Variants in SLC34A3 observed in about 807,000 individuals in gnomAD.
The protein encoded by SLC34A3 is sodium-dependent phosphate transport protein 2C.
SLC34A3 carries 60 observed loss-of-function variants against 43.9 expected under a neutral mutation model. That is an observed-to-expected ratio of 1.37 (90% CI 1.11 to 1.70). The LOEUF (loss-of-function observed/expected upper bound fraction) is 1.70. SLC34A3 is among the 40% of genes most tolerant of loss of function. SLC34A3 has a pLI of 0.00. For missense variants in SLC34A3, 969 were observed against 823.8 expected (o/e 1.18, Z -2.16); for synonymous variants, 451 against 386.2 (o/e 1.17, Z -1.97).
Position 137,236,182 on chromosome 9 carries a change from G to A in SLC34A3, c.1566G>A (p.Val522=), listed in dbSNP as rs182451910. 5 of 1,604,764 alleles carry A rather than the reference G, an allele frequency of 3.1e-6. No individual in the cohort carries two copies. The highest frequency in any genetic ancestry group is 2.2e-5 in the East Asian group (1 of 44,550). The stretch of plus-strand genomic sequence containing the variant: ...TGGCCGCTGTCGGGGGTCCCCTGGT[G>A]GGGCTGGTGCTCCTCGTCATCCTGG... ...MELAAVGGPL[V]GLVLLVILVT... is the part of the protein sequence containing the mutation. The change falls in exon 13 of 13, where the codon GTG becomes GTA. Residue 522 remains valine, a synonymous_variant. Transcript: ENST00000673835.
intron 3 of SLC34A3, 49 bp from the exon 4 acceptor site, chr9:137,232,526 C>A (rs758653523): frequency 8.1e-6 from 13 of 1,607,686 alleles, no homozygotes; most frequent in African/African-American, 1.3e-5. Flanking sequence ...GGGAGGGAGA[C>A]CTGTCAGGGT....
chr9:137,233,779 T>TTGGCCCCCCCCCCCCCCCCCACCC, intron 8 of SLC34A3, 57 bp downstream of exon 8: 1 of 1,445,826 alleles, frequency 6.9e-7, no homozygotes, highest in Non-Finnish European at 9.6e-7. Flanking sequence ...TGCTGAGTCA[T>TTGGCCCCCCCCCCCCCCCCCACCC]CCCGCCCCAC....
intron 8 of SLC34A3, 57 bp downstream of exon 8, chr9:137,233,779 T>TGGCGCCCCCCCCCC: frequency 6.9e-7 from 1 of 1,445,826 alleles, no homozygotes; most frequent in South Asian, 1.2e-5. Context: ...TGCTGAGTCA[T>TGGCGCCCCCCCCCC]CCCGCCCCAC....
In SLC34A3 at chr9:137,236,129, G is replaced by C; in HGVS notation, c.1513G>C (p.Gly505Arg). 1 of 1,611,082 alleles carries C rather than the reference G, an allele frequency of 6.2e-7. No homozygotes were observed. Among genetic ancestry groups the C allele is most frequent in the Non-Finnish European group, 8.5e-7 (1 of 1,179,476 alleles). Reference protein sequence around the residue: ...GFLLLPLAAFGLSLAGGMELA... With the variant: ...GFLLLPLAAFRLSLAGGMELA... ...CCTGCTGCTGCCCCTGGCGGCCTTC[G>C]GGCTCTCCCTGGCAGGGGGCATGGA... The change falls in exon 13 of 13, where the codon GGG (glycine) becomes CGG (arginine). Residue 505 changes from glycine to arginine, a missense_variant. Gly to Arg is a moderately radical substitution (Grantham distance 125). Transcript: ENST00000673835.
intron 8 of SLC34A3, 48 bp downstream of exon 8, chr9:137,233,770 G>C: frequency 6.3e-7 from 1 of 1,585,494 alleles, no homozygotes; most frequent in Non-Finnish European, 8.6e-7. Context: ...CCTCCCACCT[G>C]CTGAGTCATC....
intron 12 of SLC34A3, among the ~76,000 whole-genome samples, chr9:137,235,094 C>T (rs1564421759): frequency 6.6e-6 from 1 of 152,072 alleles, no homozygotes. Context: ...CACTCACCTC[C>T]AGCAGGTCCC....
At chr9:137,235,325 G>A (rs1453712867) in intron 12 of SLC34A3, among the ~76,000 whole-genome samples, 1 of 152,188 alleles carries the variant, frequency 6.6e-6, no homozygotes, top group Non-Finnish European at 1.5e-5. Context: ...GGCCCAACAG[G>A]TTCAGCTCCC....
At chr9:137,233,459 G>A in intron 7 of SLC34A3, 55 bp downstream of exon 7, 1 of 1,588,780 alleles carries the variant, frequency 6.3e-7, no homozygotes, top group Non-Finnish European at 8.6e-7. Flanking sequence ...GATGGGAGGA[G>A]GGGAGGCCCG....
In SLC34A3 at chr9:137,231,893, C is replaced by T. The variant is rs554631094; in HGVS notation, c.85+106C>T. ...TCCTGCGGGCCTCCCGGGGAACCCACAGGGCTCATGACGCCTCCACTCAGG... is the reference window on the plus strand; with the variant it reads ...TCCTGCGGGCCTCCCGGGGAACCCATAGGGCTCATGACGCCTCCACTCAGG... On this transcript the variant is annotated intron_variant, in intron 2 of 12. Transcript: ENST00000673835. The T allele has an allele frequency of 2.3e-5, 28 of 1,195,434 alleles. No homozygotes were observed. In the East Asian group the frequency reaches 5.8e-4, roughly 25 times the overall value. 74.1% of individuals were successfully genotyped at this position (1,195,434 alleles called of 1,614,324 possible). A position where few individuals can be genotyped will look rare whatever the true frequency, so the allele number is the denominator to read the frequency against.
chr9:137,232,584 T>A lies in SLC34A3; in HGVS notation c.185T>A (p.Val62Glu), dbSNP rs1030903618. Reference protein sequence around the residue: ...DTSQPWKELRVAGRLRRVAGS... With the variant: ...DTSQPWKELREAGRLRRVAGS... Reference sequence around the variant, plus strand: ...TGCCCTGTGTCCTCAGAGCTCCGCGTGGCCGGCAGGCTGCGCCGCGTGGCC... The same window carrying A: ...TGCCCTGTGTCCTCAGAGCTCCGCGAGGCCGGCAGGCTGCGCCGCGTGGCC... The change falls in exon 4 of 13, where the codon GTG (valine) becomes GAG (glutamate). Residue 62 changes from valine to glutamate, a missense_variant. Coordinates refer to ENST00000673835, the MANE Select transcript of SLC34A3 (RefSeq NM_001177316.2). The A allele has an allele frequency of 1.2e-6, 2 of 1,609,054 alleles. No individual in the cohort carries two copies. The highest frequency in any genetic ancestry group is 2.2e-5 in the South Asian group (2 of 90,796).
chr9:137,235,480 G>A (rs1379706496), intron 12 of SLC34A3, among the ~76,000 whole-genome samples: 1 of 152,164 alleles, frequency 6.6e-6, no homozygotes, highest in Non-Finnish European at 1.5e-5. Context: ...CCCCCTGCAG[G>A]AAGCCCTCCA....
rs772903522 is a variant in SLC34A3, at chr9:137,231,720, C to T, written c.18C>T (p.Pro6=). The part of the protein sequence containing the change: MPSSL[P]GSQVPHPTLD... The stretch of plus-strand genomic sequence containing the variant: ...CGAAATCCATGCCGAGTTCCCTTCC[C>T]GGCAGCCAGGTCCCCCACCCCACTC... Residue 6 remains proline, a synonymous_variant, in exon 2 of 13, where the codon CCC becomes CCT. Coordinates refer to ENST00000673835, the MANE Select transcript of SLC34A3 (RefSeq NM_001177316.2). 2.9e-5 allele frequency: 46 copies of T among 1,612,938 alleles called. No homozygotes were observed. The highest frequency in any genetic ancestry group is 3.3e-4 in the Middle Eastern group (2 of 6,084).
chr9:137,231,718 C>A lies in SLC34A3; in HGVS notation c.16C>A (p.Pro6Thr). MPSSL[P>T]GSQVPHPTLD... ...CCCGAAATCCATGCCGAGTTCCCTT[C>A]CCGGCAGCCAGGTCCCCCACCCCAC... The change falls in exon 2 of 13, where the codon CCC becomes ACC. Residue 6 changes from proline to threonine, a missense_variant. Coordinates refer to ENST00000673835, the MANE Select transcript of SLC34A3 (RefSeq NM_001177316.2). 6.2e-7 allele frequency: 1 copy of A among 1,613,100 alleles called. No homozygotes were observed. Among genetic ancestry groups the A allele is most frequent in the Non-Finnish European group, 8.5e-7 (1 of 1,179,960 alleles).
Position 137,233,072 on chromosome 9 carries a change from C to T in SLC34A3, c.517C>T (p.Leu173=). 1.9e-6 allele frequency: 3 copies of T among 1,607,688 alleles called. No homozygotes were observed. The South Asian group carries it at 3.3e-5, about 18-fold the overall frequency. The change falls in exon 6 of 13, where the codon CTG becomes TTG. Residue 173 remains leucine (L), a synonymous_variant. Coordinates refer to ENST00000673835, the MANE Select transcript of SLC34A3 (RefSeq NM_001177316.2). The stretch of plus-strand genomic sequence containing the variant: ...CGTAGGCACATCCATCACCAGCACC[C>T]TGGTCTCAATGGCGCAGTCAGGGGA... ...VNVGTSITST[L]VSMAQSGDRD...
intron 3 of SLC34A3, 100 bp from the exon 4 acceptor site, chr9:137,232,475 G>C (rs544450584): frequency 3.0e-5 from 46 of 1,526,854 alleles, no homozygotes; most frequent in Non-Finnish European, 3.7e-5. Context: ...ACCCAGCCCT[G>C]TTGGAGACAG....
chr9:137,231,765 G>C lies in SLC34A3; in HGVS notation c.63G>C (p.Val21=). The C allele has an allele frequency of 6.2e-7, 1 of 1,613,228 alleles. No individual in the cohort carries two copies. Among genetic ancestry groups the C allele is most frequent in the Non-Finnish European group, 8.5e-7 (1 of 1,179,972 alleles). ...CCACTCTGGACGCGGTTGACCTAGTGGAAAAGACTCTGAGGAATGAAGGTA... is the reference window on the plus strand; with the variant it reads ...CCACTCTGGACGCGGTTGACCTAGTCGAAAAGACTCTGAGGAATGAAGGTA... ...PHPTLDAVDL[V]EKTLRNEGTS... Residue 21 remains valine (V), a synonymous_variant, in exon 2 of 13, where the codon GTG becomes GTC. Coordinates refer to ENST00000673835, the MANE Select transcript of SLC34A3 (RefSeq NM_001177316.2).
Position 137,232,801 on chromosome 9 carries a change from A to G in SLC34A3, c.322A>G (p.Ile108Val), listed in dbSNP as rs1390166758. 2.5e-6 allele frequency: 4 copies of G among 1,612,988 alleles called. No individual in the cohort carries two copies. Among genetic ancestry groups the G allele is most frequent in the Non-Finnish European group, 3.4e-6 (4 of 1,180,018 alleles). ...CGGTGTAGGCAAAGTGGCCGGAGACATCTTCAAGGACAACGTGGTGCTGTC... is the reference window on the plus strand; with the variant it reads ...CGGTGTAGGCAAAGTGGCCGGAGACGTCTTCAAGGACAACGTGGTGCTGTC... ...QLLGSKVAGD[I>V]FKDNVVLSNP... is the part of the protein sequence containing the mutation. Residue 108 changes from isoleucine (I) to valine (V), a missense_variant, in exon 5 of 13, where the codon ATC (isoleucine) becomes GTC (valine). Physicochemically the swap from Ile to Val is conservative, Grantham distance 29. Transcript: ENST00000673835.
In SLC34A3 at chr9:137,236,282, C is replaced by T. The variant is rs1836591916; in HGVS notation, c.1666C>T (p.Leu556Phe). ...LRSWAWLPVW[L>F]HSLEPWDRLV... ...CTCCTGGGCCTGGCTCCCCGTCTGGCTCCATTCTCTGGAGCCCTGGGACCG... is the reference window on the plus strand; with the variant it reads ...CTCCTGGGCCTGGCTCCCCGTCTGGTTCCATTCTCTGGAGCCCTGGGACCG... Residue 556 changes from leucine to phenylalanine, a missense_variant, in exon 13 of 13, where the codon CTC (leucine) becomes TTC (phenylalanine). Physicochemically the swap from Leu to Phe is conservative, Grantham distance 22. Coordinates refer to ENST00000673835, the MANE Select transcript of SLC34A3 (RefSeq NM_001177316.2). The T allele has an allele frequency of 6.5e-7, 1 of 1,542,790 alleles. No individual in the cohort carries two copies. Among genetic ancestry groups the T allele is most frequent in the Admixed American group, 2.0e-5 (1 of 50,996 alleles).
rs142206230 is a variant in SLC34A3, at chr9:137,236,222, C to T, written c.1606C>T (p.Arg536Trp). 9.8e-5 allele frequency: 153 copies of T among 1,563,686 alleles called. No homozygotes were observed. The highest frequency in any genetic ancestry group is 1.7e-4 in the Middle Eastern group (1 of 6,016). The change falls in exon 13 of 13, where the codon CGG becomes TGG. Residue 536 changes from arginine to tryptophan, a missense_variant. Physicochemically the swap from Arg to Trp is moderately radical, Grantham distance 101. Coordinates refer to ENST00000673835, the MANE Select transcript of SLC34A3 (RefSeq NM_001177316.2). ...CGTCATCCTGGTTACTGTCCTGCAG[C>T]GGCGCCGGCCGGCCTGGCTGCCTGT... ...LLVILVTVLQ[R>W]RRPAWLPVRL...
Sources: gnomAD v4.1 joint callset for allele counts (sites outside exome capture counted in the v4.1 genomes callset) on GRCh38, gnomAD v4.1.1 for gene constraint, MANE v1.5 for transcripts, NCBI Gene and HGNC (gene_info 2026-07-23, HGNC 2026-07-21) for gene names.